Variants in STK3 observed in about 807,000 individuals in gnomAD.
STK3 encodes serine/threonine kinase 3, also known as serine/threonine-protein kinase 3.
Under a neutral mutation model 58.0 loss-of-function variants are expected in STK3, and 41 were observed. The observed-to-expected ratio is 0.71, with a 90% CI of 0.55 to 0.92. The LOEUF (loss-of-function observed/expected upper bound fraction) is 0.92, where lower values mean the gene tolerates loss of function less well. Ranked by LOEUF, STK3 falls within the 40% of genes least tolerant of loss-of-function variation. STK3 has a pLI of 0.00. For missense variants in STK3, 479 were observed against 602.7 expected (o/e 0.79, Z 2.15); for synonymous variants, 170 against 191.0 (o/e 0.89, Z 0.91).
At chr8:98,716,583 T>C (rs568229698) in intron 4 of STK3, among the ~76,000 whole-genome samples, 2 of 152,250 alleles carry the variant, frequency 1.3e-5, no homozygotes, top group South Asian at 2.1e-4. Context: ...AATTTAATGT[T>C]TTTAAGATGC....
At chr8:98,673,768 T>C (rs1231791125) in intron 6 of STK3, among the ~76,000 whole-genome samples, 2 of 152,138 alleles carry the variant, frequency 1.3e-5, no homozygotes, top group African/African-American at 4.8e-5. Context: ...TTCATCTCAA[T>C]AATTTCAAAT....
chr8:98,570,973 T>C (rs918482719), intron 8 of STK3, among the ~76,000 whole-genome samples: 4 of 152,210 alleles, frequency 2.6e-5, no homozygotes. Flanking sequence ...TACAGGCTTC[T>C]GGACTGACTT....
At chr8:98,915,575 A>G (rs1287061572) in intron 1 of STK3, among the ~76,000 whole-genome samples, 1 of 151,404 alleles carries the variant, frequency 6.6e-6, no homozygotes, top group Non-Finnish European at 1.5e-5. Context: ...TTTTATTTGG[A>G]TATTAAAATA....
the STK3 span, among the ~76,000 whole-genome samples, chr8:98,361,501 G>T: frequency 1.3e-5 from 2 of 152,202 alleles, no homozygotes; most frequent in South Asian, 4.2e-4. Context: ...ATAATTTCAT[G>T]GTTGTTGAGA....
chr8:98,762,536 G>A (rs1830692730), intron 3 of STK3, among the ~76,000 whole-genome samples: 1 of 152,220 alleles, frequency 6.6e-6, no homozygotes, highest in African/African-American at 2.4e-5. Context: ...TTACAGGCGT[G>A]AGCCATGGCA....
chr8:98,810,172 T>G (rs2131672298), intron 1 of STK3, among the ~76,000 whole-genome samples: 1 of 152,300 alleles, frequency 6.6e-6, no homozygotes, highest in Middle Eastern at 3.4e-3. Flanking sequence ...GAAACTGCTC[T>G]CATGATCCAA....
chr8:98,395,711 A>G (rs1323331035), intron 3 of STK3, among the ~76,000 whole-genome samples: 1 of 152,216 alleles, frequency 6.6e-6, no homozygotes, highest in South Asian at 2.1e-4. Flanking sequence ...ATATGCAAAC[A>G]TATTGGGGAT....
intron 10 of STK3, among the ~76,000 whole-genome samples, chr8:98,508,873 C>T (rs1390489222): frequency 2.0e-5 from 3 of 152,080 alleles, no homozygotes; most frequent in East Asian, 1.9e-4. Flanking sequence ...ACTGCATAGC[C>T]TTGTTCTATT....
At chr8:98,935,925 A>T (rs560201405) in intron 1 of STK3, among the ~76,000 whole-genome samples, 26 of 150,672 alleles carry the variant, frequency 1.7e-4, no homozygotes, top group South Asian at 1.7e-3. Context: ...TTATTTATTT[A>T]TTTTTTTTTG....
chr8:98,765,428 A>G (rs1830882526), intron 3 of STK3, among the ~76,000 whole-genome samples: 1 of 152,224 alleles, frequency 6.6e-6, no homozygotes, highest in African/African-American at 2.4e-5. Context: ...AAAGCTTACA[A>G]TCTATAGATC....
chr8:98,655,189 C>A (rs1422400207), intron 6 of STK3, among the ~76,000 whole-genome samples: 1 of 152,056 alleles, frequency 6.6e-6, no homozygotes, highest in Non-Finnish European at 1.5e-5. Context: ...CGCATACCTA[C>A]AACTATCTGA....
chr8:98,587,128 G>A (rs988865472), intron 7 of STK3, among the ~76,000 whole-genome samples: 1 of 151,818 alleles, frequency 6.6e-6, no homozygotes, highest in African/African-American at 2.4e-5. Context: ...GTTATTTCTT[G>A]CCTTCTGCTA....
intron 6 of STK3, among the ~76,000 whole-genome samples, chr8:98,691,101 A>G (rs183442910): frequency 5.3e-5 from 8 of 152,328 alleles, no homozygotes; most frequent in Non-Finnish European, 1.2e-4. Context: ...AAAACTTCCT[A>G]TCGGATACTA....
chr8:98,348,655 T>C, the STK3 span, among the ~76,000 whole-genome samples: 1 of 152,298 alleles, frequency 6.6e-6, no homozygotes, highest in East Asian at 1.9e-4. Context: ...CAAATAAGTG[T>C]ATGAAAAGAT....
intron 7 of STK3, among the ~76,000 whole-genome samples, chr8:98,586,628 G>GC (rs1477824853): frequency 6.6e-6 from 1 of 151,038 alleles, no homozygotes; most frequent in Non-Finnish European, 1.5e-5. Flanking sequence ...AGTTAGGGAG[G>GC]ATTCCCTCTT....
At chr8:98,709,532 T>C (rs1296774223) in intron 4 of STK3, among the ~76,000 whole-genome samples, 1 of 152,154 alleles carries the variant, frequency 6.6e-6, no homozygotes. Context: ...TGAACATTGA[T>C]ACAAAAATCC....
chr8:98,636,461 T>C (rs1007130542), intron 6 of STK3, among the ~76,000 whole-genome samples: 5 of 152,186 alleles, frequency 3.3e-5, no homozygotes, highest in Admixed American at 6.5e-5. Flanking sequence ...AAGACTATCA[T>C]GTTAAAATAC....
chr8:98,423,054 C>T (rs1818191124), intron 3 of STK3, among the ~76,000 whole-genome samples: 1 of 152,164 alleles, frequency 6.6e-6, no homozygotes. Context: ...GGGCTCCAGA[C>T]CACAGCTCCA....
chr8:98,919,859 G>A (rs940017672), intron 1 of STK3, among the ~76,000 whole-genome samples: 2 of 152,200 alleles, frequency 1.3e-5, no homozygotes, highest in South Asian at 2.1e-4. Flanking sequence ...GATGAGGACC[G>A]ACACAGTCAA....
Sources: gnomAD v4.1 joint callset for allele counts (sites outside exome capture counted in the v4.1 genomes callset) on GRCh38, gnomAD v4.1.1 for gene constraint, MANE v1.5 for transcripts, NCBI Gene and HGNC (gene_info 2026-07-23, HGNC 2026-07-21) for gene names.